PTPRM: variants seen among roughly 807,000 people sequenced by gnomAD.
PTPRM encodes the protein receptor-type tyrosine-protein phosphatase mu.
In PTPRM, 47 loss-of-function variants were observed where a neutral mutation model predicts 186.7. The ratio of observed to expected loss-of-function variants is 0.25; its 90% confidence interval spans 0.20 to 0.32. The LOEUF (loss-of-function observed/expected upper bound fraction) is 0.32. PTPRM is among the 10% of genes least tolerant of loss of function. The pLI is 1.00. For missense variants in PTPRM, 1,494 were observed against 1,865.0 expected (o/e 0.80, Z 3.66); for synonymous variants, 668 against 674.9 (o/e 0.99, Z 0.16).
chr18:7,865,570 T>A (rs1159102412), intron 2 of PTPRM, among the ~76,000 whole-genome samples: 2 of 152,254 alleles, frequency 1.3e-5, no homozygotes, highest in Non-Finnish European at 2.9e-5. Context: ...TTTGATGTGC[T>A]GCTGGATTCA....
chr18:8,231,997 A>G (rs962814085), intron 14 of PTPRM, among the ~76,000 whole-genome samples: 2 of 152,164 alleles, frequency 1.3e-5, no homozygotes, highest in African/African-American at 4.8e-5. Flanking sequence ...ACAACTCTAT[A>G]ATGACAGGCA....
Position 8,317,541 on chromosome 18 carries a change from G to A in PTPRM, c.2920-1637G>A, listed in dbSNP as rs557374516. On this transcript the variant is annotated intron_variant, in intron 21 of 32. Coordinates refer to ENST00000580170, the MANE Select transcript of PTPRM (RefSeq NM_001105244.2). ...GCTTGAAGGCCATGGGGCTGGAGGA[G>A]CTCACTCAGAGAATGAGAGCAGATG... 1.2e-4 allele frequency among the ~76,000 whole-genome samples: 18 copies of A among 152,264 alleles called. No homozygotes were observed. The South Asian group carries it at 3.1e-3, about 26-fold the overall frequency.
chr18:8,215,946 GC>G, intron 14 of PTPRM, among the ~76,000 whole-genome samples: 1 of 152,040 alleles, frequency 6.6e-6, no homozygotes, highest in East Asian at 1.9e-4. Flanking sequence ...ACTTAACCCA[GC>G]CCCCTGTCTG....
intron 23 of PTPRM, among the ~76,000 whole-genome samples, chr18:8,362,522 C>G (rs558314377): frequency 1.3e-5 from 2 of 152,104 alleles, no homozygotes; most frequent in African/African-American, 4.8e-5. Flanking sequence ...CTGCTGCTGT[C>G]GGAGGATCGC....
intron 19 of PTPRM, among the ~76,000 whole-genome samples, chr18:8,263,965 C>A (rs765012472): frequency 6.6e-6 from 1 of 152,100 alleles, no homozygotes; most frequent in Non-Finnish European, 1.5e-5. Context: ...GTCATAGGAA[C>A]CTTGATTGAT....
intron 13 of PTPRM, among the ~76,000 whole-genome samples, chr18:8,142,165 G>A (rs10163540): frequency 0.12 from 18,476 of 152,126 alleles, 1,238 homozygotes; most frequent in Non-Finnish European, 0.15. Flanking sequence ...ACTTATTCTC[G>A]ACATTGTCAG....
chr18:7,918,539 A>G (rs1312710457), intron 4 of PTPRM, among the ~76,000 whole-genome samples: 2 of 152,084 alleles, frequency 1.3e-5, no homozygotes, highest in African/African-American at 4.8e-5. Context: ...TTCATGTCTT[A>G]TGAGAAAATT....
intron 14 of PTPRM, among the ~76,000 whole-genome samples, chr18:8,225,562 G>T (rs576894926): frequency 6.6e-6 from 1 of 152,082 alleles, no homozygotes; most frequent in South Asian, 2.1e-4. Context: ...TGACCACAAG[G>T]GGAGCTCATT....
chr18:8,157,033 G>A (rs1176908805), intron 14 of PTPRM, among the ~76,000 whole-genome samples: 2 of 152,124 alleles, frequency 1.3e-5, no homozygotes, highest in South Asian at 2.1e-4. Context: ...AGCATTAGCT[G>A]CACCTTTCCT....
intron 14 of PTPRM, among the ~76,000 whole-genome samples, chr18:8,224,251 T>G (rs1393914250): frequency 6.6e-6 from 1 of 152,206 alleles, no homozygotes; most frequent in African/African-American, 2.4e-5. Flanking sequence ...GCCACCTGAG[T>G]AGGCTCCAGT....
At chr18:8,378,219 T>C in intron 26 of PTPRM, 46 bp from the exon 27 acceptor site, 1 of 1,541,378 alleles carries the variant, frequency 6.5e-7, no homozygotes, top group Non-Finnish European at 8.9e-7. Flanking sequence ...CTTTCCTCCT[T>C]CTCTGGTTCT....
intron 7 of PTPRM, among the ~76,000 whole-genome samples, chr18:8,014,296 T>A (rs548628046): frequency 1.3e-5 from 2 of 152,280 alleles, no homozygotes; most frequent in African/African-American, 4.8e-5. Context: ...AGCAAATTAT[T>A]TGGTTTTTCA....
chr18:7,616,352 G>A (rs1439009873), intron 1 of PTPRM, among the ~76,000 whole-genome samples: 1 of 152,020 alleles, frequency 6.6e-6, no homozygotes, highest in South Asian at 2.1e-4. Context: ...TGAGTTGGGG[G>A]TCTCACAGTG....
chr18:8,132,541 A>T (rs975676183), intron 13 of PTPRM, among the ~76,000 whole-genome samples: 1 of 152,020 alleles, frequency 6.6e-6, no homozygotes, highest in African/African-American at 2.4e-5. Flanking sequence ...CTTATTAGAC[A>T]TTTCTCTGTT....
intron 2 of PTPRM, among the ~76,000 whole-genome samples, chr18:7,884,923 T>TAA: frequency 2.1e-4 from 1 of 4,712 alleles, no homozygotes; most frequent in Non-Finnish European, 3.2e-4. Context: ...AAGCTCCATC[T>TAA]CAAAAAAAAA....
chr18:7,939,286 T>C (rs1164035408), intron 5 of PTPRM, among the ~76,000 whole-genome samples: 1 of 149,792 alleles, frequency 6.7e-6, no homozygotes. Context: ...GCTCCCTGCC[T>C]GATGCCTGCG....
chr18:7,891,792 T>G (rs563189100), intron 3 of PTPRM, among the ~76,000 whole-genome samples: 1 of 152,192 alleles, frequency 6.6e-6, no homozygotes, highest in African/African-American at 2.4e-5. Context: ...CAAGAATCCC[T>G]TCAACCAGGG....
At chr18:8,395,510 A>G (rs1286690307) in intron 32 of PTPRM, among the ~76,000 whole-genome samples, 1 of 152,378 alleles carries the variant, frequency 6.6e-6, no homozygotes, top group Non-Finnish European at 1.5e-5. Context: ...GTAGTGACCA[A>G]TGACAACGAG....
intron 32 of PTPRM, among the ~76,000 whole-genome samples, chr18:8,401,628 TGTG>T (rs1367450042): frequency 6.6e-6 from 1 of 152,190 alleles, no homozygotes. Flanking sequence ...AGGCCGTTGA[TGTG>T]GTGTTTGAAG....
Sources: allele counts gnomAD v4.1 joint callset (sites outside exome capture counted in the v4.1 genomes callset), GRCh38; gene constraint gnomAD v4.1.1; transcripts MANE v1.5; gene names NCBI Gene and HGNC (gene_info 2026-07-23, HGNC 2026-07-21).